The following CEP85L variants were observed in gnomAD, a reference collection of about 807,000 sequenced individuals.
CEP85L encodes the protein centrosomal protein 85L.
A neutral mutation model predicts 100.3 loss-of-function variants in CEP85L; 60 were observed. The observed-to-expected ratio is 0.60, with a 90% CI of 0.49 to 0.74. The LOEUF is 0.74. Ranked by LOEUF, CEP85L falls within the 30% of genes least tolerant of loss-of-function variation. The pLI, the probability that CEP85L is intolerant of heterozygous loss-of-function variation, is 0.00. For synonymous variants in CEP85L, 319 were observed against 322.7 expected (o/e 0.99, Z 0.12); for missense variants, 973 against 936.2 (o/e 1.04, Z -0.51).
At chr6:118,480,032 T>C in intron 9 of CEP85L, 111 bp from the exon 10 acceptor site, 1 of 660,262 alleles carries the variant, frequency 1.5e-6, no homozygotes, top group East Asian at 3.2e-5. Context: ...TTTAAAAGGG[T>C]CTTTTTAAAA....
chr6:118,612,994 G>T (rs543347113), intron 2 of CEP85L, among the ~76,000 whole-genome samples: 1 of 151,882 alleles, frequency 6.6e-6, no homozygotes, highest in African/African-American at 2.4e-5. Context: ...CGAGGCGGGC[G>T]GATCGCCTGA....
Position 118,552,310 on chromosome 6 carries a change from A to G in CEP85L, c.1020+13219T>C, listed in dbSNP as rs563301939. On this transcript the variant is annotated intron_variant, in intron 3 of 12. Coordinates refer to ENST00000368491, the MANE Select transcript of CEP85L (RefSeq NM_001042475.3). ...CCACCAAAAATACTGAAGTTTGAGA[A>G]GTTCTGCAAGAAGTGAACATACTTA... Among the ~76,000 whole-genome samples, 3 of 152,208 alleles carry G rather than the reference A, an allele frequency of 2.0e-5. No individual in the cohort carries two copies. The South Asian group carries it at 6.2e-4, about 32-fold the overall frequency.
chr6:118,560,178 T>C lies in CEP85L; in HGVS notation c.1020+5351A>G, dbSNP rs185945888. On this transcript the variant is annotated intron_variant, in intron 3 of 12. Transcript: ENST00000368491. Reference sequence around the variant, plus strand: ...TTGGCCCATCTATTACATCTACAGCTGACCCTTGAACATGGGGGTTAGGGG... The same window carrying C: ...TTGGCCCATCTATTACATCTACAGCCGACCCTTGAACATGGGGGTTAGGGG... 1.2e-4 allele frequency: 20 copies of C among 167,216 alleles called. No homozygotes were observed. In the East Asian group the frequency reaches 3.3e-3, roughly 27 times the overall value. 10.4% of individuals were successfully genotyped at this position (167,216 alleles called of 1,614,324 possible).
At chr6:118,560,866 T>C (rs939661891) in intron 3 of CEP85L, 4 of 152,386 alleles carry the variant, frequency 2.6e-5, no homozygotes, top group African/African-American at 9.6e-5. Context: ...AAGTCTAAAA[T>C]AGTTTACACC....
At chr6:118,586,236 G>C (rs770282069) in intron 2 of CEP85L, among the ~76,000 whole-genome samples, 1 of 152,138 alleles carries the variant, frequency 6.6e-6, no homozygotes, top group African/African-American at 2.4e-5. Context: ...GCCTTACTAC[G>C]AATAAGAGAT....
At chr6:118,477,293 A>T (rs1158841267) in intron 10 of CEP85L, among the ~76,000 whole-genome samples, 3 of 152,186 alleles carry the variant, frequency 2.0e-5, no homozygotes, top group South Asian at 2.1e-4. Flanking sequence ...CCAAATTAGC[A>T]TATACTTTTA....
At chr6:118,519,844 A>G (rs1338399399) in intron 4 of CEP85L, among the ~76,000 whole-genome samples, 1 of 152,162 alleles carries the variant, frequency 6.6e-6, no homozygotes, top group Non-Finnish European at 1.5e-5. Context: ...AGCATGACCA[A>G]TATCTAAACC....
Position 118,523,927 on chromosome 6 carries a change from A to G in CEP85L, c.1021-7T>C. On this transcript the variant is annotated splice_polypyrimidine_tract_variant and splice_region_variant and intron_variant, in intron 3 of 12. Transcript: ENST00000368491. Reference sequence around the variant, plus strand: ...GAGATGATCCAGTCAAAACCTGCAGAAACATGTTTACACAATTAGTATACT... The same window carrying G: ...GAGATGATCCAGTCAAAACCTGCAGGAACATGTTTACACAATTAGTATACT... The G allele has an allele frequency of 7.3e-7, 1 of 1,360,920 alleles. No homozygotes were observed. Among genetic ancestry groups the G allele is most frequent in the Non-Finnish European group, 1.0e-6 (1 of 956,476 alleles). The allele number at this position is 1,360,920 out of a possible 1,614,324, so 84.3% of individuals were successfully genotyped here.
chr6:118,579,249 G>A (rs1780423575), intron 2 of CEP85L, among the ~76,000 whole-genome samples: 1 of 149,806 alleles, frequency 6.7e-6, no homozygotes. Flanking sequence ...CTGATCTCTA[G>A]CCAGATTACT....
intron 3 of CEP85L, among the ~76,000 whole-genome samples, chr6:118,533,434 C>T (rs946136959): frequency 1.3e-5 from 2 of 151,558 alleles, no homozygotes; most frequent in Non-Finnish European, 2.9e-5. Flanking sequence ...TCTGAATGTC[C>T]TATAAACTAT....
chr6:118,626,102 G>T (rs548434457), intron 2 of CEP85L, among the ~76,000 whole-genome samples: 2 of 152,260 alleles, frequency 1.3e-5, no homozygotes, highest in South Asian at 4.1e-4. Context: ...TTAGAGGGGG[G>T]ACTGAGAGGT....
At chr6:118,501,298 C>A (rs1775285620) in intron 5 of CEP85L, 1 of 366,564 alleles carries the variant, frequency 2.7e-6, no homozygotes, top group South Asian at 2.1e-5. Context: ...CTGGTCCAGG[C>A]CAGGCGAGGT....
intron 1 of CEP85L, among the ~76,000 whole-genome samples, chr6:118,649,171 T>C (rs559588847): frequency 6.6e-6 from 1 of 152,086 alleles, no homozygotes; most frequent in Admixed American, 6.5e-5. Flanking sequence ...TATTTATATT[T>C]GCTCAAAAAG....
intron 2 of CEP85L, among the ~76,000 whole-genome samples, chr6:118,570,804 A>C (rs1354658126): frequency 6.6e-6 from 1 of 152,148 alleles, no homozygotes; most frequent in Non-Finnish European, 1.5e-5. Flanking sequence ...TCCCAAGTTC[A>C]ACCATAACCA....
chr6:118,472,782 AAT>A (rs1773064071), intron 10 of CEP85L, among the ~76,000 whole-genome samples: 1 of 152,196 alleles, frequency 6.6e-6, no homozygotes, highest in African/African-American at 2.4e-5. Context: ...TAAAATTAAA[AAT>A]TAATTTGCAA....
In CEP85L at chr6:118,690,429, T is replaced by C. The variant is rs1199573174; in HGVS notation, c.-28+19607A>G. Among the ~76,000 whole-genome samples, 16 of 152,304 alleles carry C rather than the reference T, an allele frequency of 1.1e-4. No individual in the cohort carries two copies. The East Asian group carries it at 2.9e-3, about 28-fold the overall frequency. On this transcript the variant is annotated intron_variant, in intron 1 of 13. Coordinates refer to the CEP85L transcript ENST00000368488. ...TTTAAGGAAATACCTCTCTGCTCCCTGGCCGGACTCTGAATCCCATGACAT... is the reference window on the plus strand; with the variant it reads ...TTTAAGGAAATACCTCTCTGCTCCCCGGCCGGACTCTGAATCCCATGACAT...
intron 2 of CEP85L, among the ~76,000 whole-genome samples, chr6:118,584,450 T>C (rs1780745894): frequency 6.6e-6 from 1 of 152,076 alleles, no homozygotes; most frequent in East Asian, 1.9e-4. Flanking sequence ...TGATATAACC[T>C]CATAAAATAA....
intron 5 of CEP85L, among the ~76,000 whole-genome samples, chr6:118,493,207 T>G (rs138738476): frequency 6.6e-6 from 1 of 152,108 alleles, no homozygotes; most frequent in African/African-American, 2.4e-5. Context: ...GAACAGGCAT[T>G]CTAGAAAGAA....
chr6:118,490,564 A>AC (rs1774488241), intron 6 of CEP85L, among the ~76,000 whole-genome samples: 1 of 152,178 alleles, frequency 6.6e-6, no homozygotes, highest in Non-Finnish European at 1.5e-5. Flanking sequence ...GACTGTACAA[A>AC]CCCTATGATC....
Sources: gnomAD v4.1 joint callset for allele counts (sites outside exome capture counted in the v4.1 genomes callset) on GRCh38, gnomAD v4.1.1 for gene constraint, MANE v1.5 for transcripts, NCBI Gene and HGNC (gene_info 2026-07-23, HGNC 2026-07-21) for gene names.